Variants in CCDC194 observed in about 807,000 individuals in gnomAD.
CCDC194 encodes the protein coiled-coil domain-containing protein 194.
A neutral mutation model predicts 4.9 loss-of-function variants in CCDC194; 8 were observed. The observed-to-expected ratio is 1.65, with a 90% confidence interval of 0.97 to 2.97. CCDC194 has a LOEUF of 2.97. Ranked by LOEUF, CCDC194 falls within the 30% of genes most tolerant of loss-of-function variation. CCDC194 has a pLI of 0.00. For synonymous variants in CCDC194, 13 were observed against 17.0 expected, an observed-to-expected ratio of 0.76 and a Z score of 0.58; for missense variants, 52 against 43.1, an observed-to-expected ratio of 1.21 and a Z score of -0.58.
intron 1 of CCDC194, chr19:17,392,075 A>C: frequency 6.7e-6 from 3 of 446,516 alleles, no homozygotes; most frequent in South Asian, 4.3e-5. Flanking sequence ...CCCAGGTCCA[A>C]CGCCACCAAC....
chr19:17,388,413 T>C (rs918753117), downstream of CCDC194, among the ~76,000 whole-genome samples: 4 of 151,668 alleles, frequency 2.6e-5, no homozygotes, highest in African/African-American at 9.7e-5. Flanking sequence ...TTTTTCTTTC[T>C]TTCTCTTCTT....
chr19:17,391,653 T>G, intron 2 of CCDC194, 97 bp downstream of exon 2: 1 of 1,534,454 alleles, frequency 6.5e-7, no homozygotes. Flanking sequence ...TCCGTGTTAT[T>G]TGCATTACGT....
At chr19:17,391,577 T>G in intron 2 of CCDC194, 173 bp downstream of exon 2, 1 of 1,459,384 alleles carries the variant, frequency 6.9e-7, no homozygotes, top group African/African-American at 1.4e-5. Flanking sequence ...ATTTGCCTTG[T>G]TTTTGTGACA....
chr19:17,390,554 T>A lies in CCDC194; in HGVS notation c.660A>T (p.Gly220=), dbSNP rs2074650390. The A allele has an allele frequency of 2.5e-6, 1 of 395,000 alleles. No homozygotes were observed. The highest frequency in any genetic ancestry group is 2.1e-5 in the African/African-American group (1 of 47,554). 24.5% of individuals were successfully genotyped at this position (395,000 alleles called of 1,614,324 possible). A position where few individuals can be genotyped will look rare whatever the true frequency, so the allele number is the denominator to read the frequency against. ...CCGGCCGCCGGCAGCCCCCGGAGGG[T>A]CCGGAGCGAGAGCGCGAGCGAGGGC... The change falls in exon 4 of 4, where the codon GGA becomes GGT. Residue 220 remains glycine (G), a synonymous_variant. Transcript: ENST00000636079. The surrounding 1 kb of genome is among the most constrained non-coding windows in gnomAD (Gnocchi z 5.5).
exon 1 of CCDC194, chr19:17,394,131 G>T (rs1599589018): frequency 5.1e-6 from 2 of 392,552 alleles, no homozygotes; most frequent in Non-Finnish European, 9.0e-6. Context: ...CGCCAGGCAC[G>T]CCCGGGCTCC....
At chr19:17,391,910 G>T in intron 1 of CCDC194, 64 bp from the exon 2 acceptor site, 1 of 1,406,044 alleles carries the variant, frequency 7.1e-7, no homozygotes, top group Admixed American at 2.9e-5. Context: ...ATTCGGCCTG[G>T]CCCTTTTGGG....
At chr19:17,389,523 C>T (rs985004542), downstream of CCDC194, among the ~76,000 whole-genome samples, 2 of 152,090 alleles carry the variant, frequency 1.3e-5, no homozygotes, top group Non-Finnish European at 2.9e-5. Flanking sequence ...TGACAGTGGA[C>T]GTCCTCACCT....
At position 17,391,732 on chromosome 19, in the gene CCDC194, C is replaced by T. The variant is rs2074655381; in HGVS notation, c.421+18G>A. The T allele has an allele frequency of 1.3e-6, 2 of 1,535,606 alleles. No homozygotes were observed. The highest frequency in any genetic ancestry group is 1.4e-5 in the African/African-American group (1 of 73,032). On this transcript the variant is annotated intron_variant, in intron 2 of 3. Coordinates refer to ENST00000636079, the Ensembl canonical transcript of CCDC194. ...CTCCCACTTCTATCCCTGCCCACTC[C>T]CTTACACCCCAACGCACCTGTCAGC...
intron 1 of CCDC194, chr19:17,392,185 A>G (rs764036900): frequency 9.6e-5 from 19 of 196,956 alleles, no homozygotes; most frequent in African/African-American, 1.6e-4. Flanking sequence ...TCAAACCAAC[A>G]AAGTTAGCCG....
chr19:17,387,648 G>A (rs1231298327), downstream of CCDC194, among the ~76,000 whole-genome samples: 1 of 151,982 alleles, frequency 6.6e-6, no homozygotes. Context: ...AACCCGAGAG[G>A]CGGAGGTTGC....
At chr19:17,394,006 T>C in exon 1 of CCDC194, 1 of 391,494 alleles carries the variant, frequency 2.6e-6, no homozygotes, top group Non-Finnish European at 4.5e-6. Context: ...CATTGGCCCC[T>C]GGCTCCGGGC....
chr19:17,391,731 C>T lies in CCDC194; in HGVS notation c.421+19G>A. 2.0e-6 allele frequency: 3 copies of T among 1,535,716 alleles called. No homozygotes were observed. Among genetic ancestry groups the T allele is most frequent in the South Asian group, 1.2e-5 (1 of 84,066 alleles). ...CCTCCCACTTCTATCCCTGCCCACT[C>T]CCTTACACCCCAACGCACCTGTCAG... On this transcript the variant is annotated intron_variant, in intron 2 of 3. Transcript: ENST00000636079.
chr19:17,392,770 G>A (rs1487446643), intron 1 of CCDC194, among the ~76,000 whole-genome samples: 2 of 152,226 alleles, frequency 1.3e-5, no homozygotes, highest in Non-Finnish European at 2.9e-5. Flanking sequence ...TGTCGCCCAG[G>A]CGGGAGTGCA....
chr19:17,388,193 CTT>C (rs71162117), downstream of CCDC194, among the ~76,000 whole-genome samples: 1 of 92,098 alleles, frequency 1.1e-5, no homozygotes, highest in Non-Finnish European at 2.1e-5. Context: ...TCTTTTTTTC[CTT>C]TTTTTTTTTT....
At chr19:17,391,277 C>T in exon 3 of CCDC194, 1 of 411,422 alleles carries the variant, frequency 2.4e-6, no homozygotes, top group East Asian at 3.6e-5. Context: ...CACGCCTGCG[C>T]GCCGCAGAGC....
exon 1 of CCDC194, chr19:17,394,153 G>T (rs1184026190): frequency 5.1e-6 from 2 of 391,716 alleles, no homozygotes; most frequent in Non-Finnish European, 9.0e-6. Context: ...GCCCCGGCTC[G>T]GCCATGCCGC....
downstream of CCDC194, among the ~76,000 whole-genome samples, chr19:17,387,548 T>C (rs1395985703): frequency 2.6e-5 from 4 of 151,980 alleles, no homozygotes; most frequent in East Asian, 7.7e-4. Flanking sequence ...TGAAACCCCG[T>C]CTTTACTAAA....
chr19:17,387,871 C>T (rs2074641219), downstream of CCDC194, among the ~76,000 whole-genome samples: 1 of 152,016 alleles, frequency 6.6e-6, no homozygotes, highest in Non-Finnish European at 1.5e-5. Flanking sequence ...TTTTCTTTTT[C>T]TGTCTTTCTT....
downstream of CCDC194, chr19:17,390,367 T>G (rs2074649372): frequency 5.2e-6 from 2 of 382,166 alleles, no homozygotes; most frequent in Non-Finnish European, 9.3e-6. The surrounding 1 kb of genome is among the most constrained non-coding windows in gnomAD (Gnocchi z 5.5). Context: ...GGCACCTTTC[T>G]GTGCAGTTTC....
Sources: gnomAD v4.1 joint callset for allele counts (sites outside exome capture counted in the v4.1 genomes callset) on GRCh38, gnomAD v4.1.1 for gene constraint, Gnocchi (gnomAD v3.1) non-coding constraint, MANE v1.5 for transcripts, NCBI Gene and HGNC (gene_info 2026-07-23, HGNC 2026-07-21) for gene names.